The following PGCKA1 variants were observed in gnomAD, a reference collection of about 807,000 sequenced individuals.
PGCKA1 encodes the protein PDCD10 and GCKIII kinases-associated protein 1.
chr4:37,492,681 T>C, the PGCKA1 span, among the ~76,000 whole-genome samples: 1 of 152,200 alleles, frequency 6.6e-6, no homozygotes, highest in East Asian at 1.9e-4. The surrounding 1 kb of genome is among the most constrained non-coding windows in gnomAD (Gnocchi z 4.7). Flanking sequence ...TCAGAAACCT[T>C]CTGGTTTGGC....
chr4:37,563,571 C>A, the PGCKA1 span, among the ~76,000 whole-genome samples: 1 of 152,162 alleles, frequency 6.6e-6, no homozygotes, highest in Admixed American at 6.5e-5. Context: ...ATTACACTCA[C>A]AATGAGTTAG....
chr4:37,593,380 A>T, the PGCKA1 span, among the ~76,000 whole-genome samples: 4,134 of 152,272 alleles, frequency 0.027, 220 homozygotes, highest in South Asian at 0.13. Flanking sequence ...CCCGCATATG[A>T]ATGACCCATG....
the PGCKA1 span, among the ~76,000 whole-genome samples, chr4:37,509,624 G>T: frequency 6.6e-6 from 1 of 151,506 alleles, no homozygotes; most frequent in African/African-American, 2.4e-5. Flanking sequence ...CTGGGAGGTG[G>T]AGGTTGTAGC....
the PGCKA1 span, among the ~76,000 whole-genome samples, chr4:37,572,458 A>G: frequency 1.3e-5 from 2 of 152,220 alleles, no homozygotes; most frequent in East Asian, 1.9e-4. Context: ...TCCTCTACCC[A>G]GAGTCCCTAA....
chr4:37,566,276 T>A, the PGCKA1 span, among the ~76,000 whole-genome samples: 2 of 151,662 alleles, frequency 1.3e-5, no homozygotes, highest in African/African-American at 2.4e-5. Flanking sequence ...CTTTTTTTTT[T>A]ATTTTATTTT....
chr4:37,589,477 T>C, the PGCKA1 span, among the ~76,000 whole-genome samples: 1 of 152,356 alleles, frequency 6.6e-6, no homozygotes, highest in African/African-American at 2.4e-5. Flanking sequence ...GACTGCATAA[T>C]ATTCCACTGA....
the PGCKA1 span, among the ~76,000 whole-genome samples, chr4:37,528,492 G>A: frequency 3.9e-5 from 6 of 152,168 alleles, no homozygotes; most frequent in African/African-American, 1.4e-4. Flanking sequence ...GGGATGACAA[G>A]CCTTTGGGGC....
chr4:37,531,663 C>T, the PGCKA1 span, among the ~76,000 whole-genome samples: 88 of 151,542 alleles, frequency 5.8e-4, no homozygotes, highest in Admixed American at 1.2e-3. Context: ...GAGGCCGAGG[C>T]GGGCGGATCA....
the PGCKA1 span, among the ~76,000 whole-genome samples, chr4:37,537,971 G>A: frequency 6.6e-6 from 1 of 152,042 alleles, no homozygotes; most frequent in Non-Finnish European, 1.5e-5. Context: ...GAATGCTCAA[G>A]TGTCAGATAC....
At chr4:37,544,579 C>T in the PGCKA1 span, among the ~76,000 whole-genome samples, 1 of 148,020 alleles carries the variant, frequency 6.8e-6, no homozygotes, top group Non-Finnish European at 1.5e-5. Flanking sequence ...ATTTCTTCAC[C>T]TTTTTCTTCT....
At chr4:37,467,930 T>C in the PGCKA1 span, among the ~76,000 whole-genome samples, 1 of 152,234 alleles carries the variant, frequency 6.6e-6, no homozygotes, top group Admixed American at 6.5e-5. Context: ...ATTTGTGGTT[T>C]GTACTTACAC....
the PGCKA1 span, among the ~76,000 whole-genome samples, chr4:37,481,053 C>T: frequency 4.6e-5 from 7 of 152,182 alleles, no homozygotes; most frequent in Non-Finnish European, 7.3e-5. Context: ...CTATCTAATC[C>T]AGCATTTCCC....
the PGCKA1 span, among the ~76,000 whole-genome samples, chr4:37,523,139 G>A: frequency 6.6e-6 from 1 of 152,196 alleles, no homozygotes; most frequent in Admixed American, 6.5e-5. Flanking sequence ...CAAGGTTTAT[G>A]AGAACTCAAG....
the PGCKA1 span, among the ~76,000 whole-genome samples, chr4:37,582,095 A>G: frequency 6.6e-6 from 1 of 151,982 alleles, no homozygotes; most frequent in East Asian, 1.9e-4. Flanking sequence ...CCCTCCCCCA[A>G]ACACACAGAT....
At chr4:37,583,024 G>A in the PGCKA1 span, among the ~76,000 whole-genome samples, 1 of 152,140 alleles carries the variant, frequency 6.6e-6, no homozygotes, top group African/African-American at 2.4e-5. Flanking sequence ...TACTTGTAAG[G>A]TAGAGTGTTC....
At chr4:37,499,490 A>G in the PGCKA1 span, among the ~76,000 whole-genome samples, 6 of 152,062 alleles carry the variant, frequency 3.9e-5, no homozygotes, top group Middle Eastern at 3.2e-3. Context: ...TTTGGAGCTC[A>G]TTGGCCTTTT....
At chr4:37,553,024 T>TGTGCACAACGTAGACA in the PGCKA1 span, among the ~76,000 whole-genome samples, 1 of 151,388 alleles carries the variant, frequency 6.6e-6, no homozygotes, top group African/African-American at 2.4e-5. Flanking sequence ...TACCTATCTC[T>TGTGCACAACGTAGACA]CATGGCCTCA....
At chr4:37,498,107 C>G in the PGCKA1 span, among the ~76,000 whole-genome samples, 1 of 152,104 alleles carries the variant, frequency 6.6e-6, no homozygotes, top group South Asian at 2.1e-4. Flanking sequence ...GATGAAGATC[C>G]AGTGTCATCC....
chr4:37,566,723 C>T, the PGCKA1 span, among the ~76,000 whole-genome samples: 2 of 152,138 alleles, frequency 1.3e-5, no homozygotes, highest in African/African-American at 4.8e-5. Flanking sequence ...AGTTGGACTA[C>T]AGGTGCACCA....
Sources: gnomAD v4.1 joint callset for allele counts (sites outside exome capture counted in the v4.1 genomes callset) on GRCh38, gnomAD v4.1.1 for gene constraint, Gnocchi (gnomAD v3.1) non-coding constraint, MANE v1.5 for transcripts, NCBI Gene and HGNC (gene_info 2026-07-23, HGNC 2026-07-21) for gene names.